Variants in OTUD7A observed in about 807,000 individuals in gnomAD.
OTUD7A encodes OTU deubiquitinase 7A.
In OTUD7A, 12 loss-of-function variants were observed where a neutral mutation model predicts 65.7. The ratio of observed to expected loss-of-function variants is 0.18; its 90% CI spans 0.12 to 0.30. The LOEUF (loss-of-function observed/expected upper bound fraction) is 0.30. Ranked by LOEUF, OTUD7A falls within the 10% of genes least tolerant of loss-of-function variation. The pLI, the probability that OTUD7A is intolerant of heterozygous loss-of-function variation, is 1.00. For missense variants in OTUD7A, 1,148 were observed against 1,304.8 expected (o/e 0.88, Z 1.85); for synonymous variants, 641 against 586.3 (o/e 1.09, Z -1.35).
chr15:31,564,536 A>G (rs1188376137), intron 4 of OTUD7A, among the ~76,000 whole-genome samples: 1 of 152,136 alleles, frequency 6.6e-6, no homozygotes, highest in Non-Finnish European at 1.5e-5. Flanking sequence ...TCATATTAAT[A>G]CATGTATTTT....
chr15:31,761,370 T>C (rs1474124228), intron 1 of OTUD7A, among the ~76,000 whole-genome samples: 2 of 152,080 alleles, frequency 1.3e-5, no homozygotes, highest in African/African-American at 4.8e-5. Context: ...AGGATTTGAA[T>C]AGATATTTCT....
chr15:31,791,570 A>G (rs920687628), intron 1 of OTUD7A, among the ~76,000 whole-genome samples: 1 of 152,140 alleles, frequency 6.6e-6, no homozygotes, highest in Admixed American at 6.5e-5. Context: ...CAGACACATG[A>G]TGGATGAGTA....
intron 3 of OTUD7A, among the ~76,000 whole-genome samples, chr15:31,586,855 G>A (rs4779897): frequency 0.33 from 49,625 of 151,570 alleles, 10,636 homozygotes; most frequent in African/African-American, 0.61. Flanking sequence ...GCTCAGCTGG[G>A]TCTCCCCTGC....
chr15:31,513,946 G>A lies in OTUD7A; in HGVS notation c.894-10128C>T, dbSNP rs372498984. Among the ~76,000 whole-genome samples the A allele has an allele frequency of 2.6e-5, 4 of 152,094 alleles. No homozygotes were observed. The South Asian group carries it at 8.3e-4, about 32-fold the overall frequency. On this transcript the variant is annotated intron_variant, in intron 8 of 12. Transcript: ENST00000307050. Reference sequence around the variant, plus strand: ...GGTTATAATCCATTAGTGTGATTATGTGGATGCTCAGATACTCCTTGATGT... The same window carrying A: ...GGTTATAATCCATTAGTGTGATTATATGGATGCTCAGATACTCCTTGATGT...
At chr15:31,802,033 A>T (rs1896138013) in intron 1 of OTUD7A, among the ~76,000 whole-genome samples, 1 of 152,036 alleles carries the variant, frequency 6.6e-6, no homozygotes, top group South Asian at 2.1e-4. Context: ...GAAATCACAA[A>T]AAAATAAGGT....
Position 31,535,920 on chromosome 15 carries a change from T to C in OTUD7A, c.551-5112A>G, listed in dbSNP as rs544984338. Among the ~76,000 whole-genome samples, 12 of 152,172 alleles carry C rather than the reference T, an allele frequency of 7.9e-5. No individual in the cohort carries two copies. The South Asian group carries it at 2.5e-3, about 32-fold the overall frequency. The stretch of plus-strand genomic sequence containing the variant: ...TGGTCTCAATCTCCTGACCTCGTGA[T>C]CCGCCCACCTCAGTCTCCCAAAGTG... On this transcript the variant is annotated intron_variant, in intron 5 of 12. Coordinates refer to ENST00000307050, the MANE Select transcript of OTUD7A (RefSeq NM_001382637.1).
chr15:31,560,019 T>G (rs1473408236), intron 4 of OTUD7A, among the ~76,000 whole-genome samples: 1 of 152,230 alleles, frequency 6.6e-6, no homozygotes, highest in Non-Finnish European at 1.5e-5. Context: ...ACAGTACAAC[T>G]GCACATCAGC....
chr15:31,820,469 A>G (rs1896650640), intron 1 of OTUD7A, among the ~76,000 whole-genome samples: 2 of 152,186 alleles, frequency 1.3e-5, no homozygotes, highest in African/African-American at 4.8e-5. Context: ...ACTGACATTG[A>G]TGCAATCGTT....
At chr15:31,771,407 C>T (rs1895231834) in intron 1 of OTUD7A, among the ~76,000 whole-genome samples, 1 of 152,200 alleles carries the variant, frequency 6.6e-6, no homozygotes, top group Non-Finnish European at 1.5e-5. Context: ...GAACCATCTC[C>T]CTTCCCACCA....
At chr15:31,490,586 G>T (rs990962341) in intron 10 of OTUD7A, among the ~76,000 whole-genome samples, 2 of 152,202 alleles carry the variant, frequency 1.3e-5, no homozygotes, top group African/African-American at 2.4e-5. Context: ...ACAGACATGA[G>T]CTTAAGAAGG....
rs72128495 is a variant in OTUD7A at position 31,864,760 on chromosome 15, TACACACACACAC to T, written c.-100+5735_-100+5746del. The stretch of plus-strand genomic sequence containing the variant: ...TCTTTTTACCCACACCTCCTCTTCC[TACACACACACAC>T]ACACACACACACACACACACACAAG... On this transcript the variant is annotated intron_variant, in intron 1 of 12. Transcript: ENST00000307050. Among the ~76,000 whole-genome samples, 6 of 146,576 alleles carry T rather than the reference TACACACACACAC, an allele frequency of 4.1e-5. No individual in the cohort carries two copies. The Middle Eastern group carries it at 0.01, about 249-fold the overall frequency.
chr15:31,738,774 T>C (rs1003547504), intron 1 of OTUD7A, among the ~76,000 whole-genome samples: 2 of 152,232 alleles, frequency 1.3e-5, no homozygotes, highest in Non-Finnish European at 2.9e-5. Context: ...GGCACACTGC[T>C]GATCTGACAG....
intron 8 of OTUD7A, among the ~76,000 whole-genome samples, chr15:31,518,220 T>C (rs1231713500): frequency 6.6e-6 from 1 of 152,072 alleles, no homozygotes. Context: ...ACACCTGTAA[T>C]CCCAGCACTT....
chr15:31,593,767 T>C (rs568156261), intron 3 of OTUD7A, among the ~76,000 whole-genome samples: 2 of 152,276 alleles, frequency 1.3e-5, no homozygotes, highest in East Asian at 3.9e-4. Context: ...AAAAAACATA[T>C]AAGTTGATTT....
intron 1 of OTUD7A, among the ~76,000 whole-genome samples, chr15:31,811,390 TG>T (rs1368735023): frequency 2.6e-5 from 4 of 151,624 alleles, no homozygotes; most frequent in East Asian, 1.9e-4. Flanking sequence ...CTTGCATGTG[TG>T]GGGGGGTATG....
rs1159209090 is a variant in OTUD7A, at chr15:31,708,231, G to A, written c.-99-51154C>T. Among the ~76,000 whole-genome samples the A allele has an allele frequency of 5.3e-5, 8 of 152,092 alleles. No individual in the cohort carries two copies. The East Asian group carries it at 5.8e-4, about 11-fold the overall frequency. On this transcript the variant is annotated intron_variant, in intron 1 of 12. Transcript: ENST00000307050. ...AACTTAAAAAGAGTTTCTAACATCC[G>A]GTGGTGGTAAAGATGTGGGGAAACA...
In OTUD7A at chr15:31,554,525, C is replaced by G. The variant is rs527831370; in HGVS notation, c.550+4444G>C. ...GCCCACAAGCCTCCTCTGTAACTTA[C>G]CATTCTCTGGCAGATTCCCCTCAAT... On this transcript the variant is annotated intron_variant, in intron 5 of 12. Coordinates refer to ENST00000307050, the MANE Select transcript of OTUD7A (RefSeq NM_001382637.1). Among the ~76,000 whole-genome samples the G allele has an allele frequency of 5.3e-5, 8 of 152,350 alleles. No individual in the cohort carries two copies. In the South Asian group the frequency reaches 1.7e-3, roughly 32 times the overall value.
intron 3 of OTUD7A, among the ~76,000 whole-genome samples, chr15:31,646,403 T>G (rs1266702255): frequency 2.0e-5 from 3 of 152,074 alleles, no homozygotes; most frequent in Non-Finnish European, 4.4e-5. Flanking sequence ...TTTCTTTCTC[T>G]CTTTCTCTCT....
chr15:31,760,966 T>C (rs1202613964), intron 1 of OTUD7A, among the ~76,000 whole-genome samples: 1 of 152,174 alleles, frequency 6.6e-6, no homozygotes, highest in East Asian at 1.9e-4. Flanking sequence ...TCGGGCAACT[T>C]AGTATCCACA....
Sources: allele counts gnomAD v4.1 joint callset (sites outside exome capture counted in the v4.1 genomes callset), GRCh38; gene constraint gnomAD v4.1.1; transcripts MANE v1.5; gene names NCBI Gene and HGNC (gene_info 2026-07-23, HGNC 2026-07-21).